The following TSPEAR variants were observed in gnomAD, a reference collection of about 807,000 sequenced individuals.
TSPEAR encodes the protein thrombospondin type laminin G domain and EAR repeats, also known as thrombospondin-type laminin G domain and EAR repeat-containing protein.
In TSPEAR, 69 loss-of-function variants were observed where a neutral mutation model predicts 71.6. That is an observed-to-expected ratio of 0.96 (90% CI 0.79 to 1.18). TSPEAR has a LOEUF of 1.18. Ranked by LOEUF, TSPEAR falls within the 50% of genes most tolerant of loss-of-function variation. The probability of loss-of-function intolerance (pLI) is 0.00; values close to 1 mark genes in which losing one functional copy is unlikely to be tolerated. For synonymous variants in TSPEAR, 402 were observed against 387.2 expected (o/e 1.04, Z -0.45); for missense variants, 971 against 894.9 (o/e 1.09, Z -1.09).
chr21:44,637,523 C>T (rs868923154), intron 1 of TSPEAR: 1 of 1,613,500 alleles, frequency 6.2e-7, no homozygotes, highest in Non-Finnish European at 8.5e-7. Flanking sequence ...TGCCCCAGCC[C>T]CCAGCTTGAC....
chr21:44,549,744 A>G (rs2053369086), intron 2 of TSPEAR, among the ~76,000 whole-genome samples: 1 of 152,214 alleles, frequency 6.6e-6, no homozygotes, highest in South Asian at 2.1e-4. Flanking sequence ...TCTGGTCTGC[A>G]TGTGTCCCCA....
intron 2 of TSPEAR, among the ~76,000 whole-genome samples, chr21:44,564,454 A>G (rs2146064024): frequency 6.6e-6 from 1 of 152,326 alleles, no homozygotes; most frequent in African/African-American, 2.4e-5. Context: ...AAACTATACA[A>G]ACAACAACCA....
At chr21:44,543,116 C>T (rs1467608382) in intron 2 of TSPEAR, among the ~76,000 whole-genome samples, 1 of 151,646 alleles carries the variant, frequency 6.6e-6, no homozygotes, top group Admixed American at 6.6e-5. Flanking sequence ...CCAGCAGGAT[C>T]TGCACTACAG....
chr21:44,588,356 CATCAAAAA>C (rs1240978126), intron 1 of TSPEAR, among the ~76,000 whole-genome samples: 24 of 152,044 alleles, frequency 1.6e-4, no homozygotes, highest in Admixed American at 5.9e-4. Flanking sequence ...GAATGGCCAT[CATCAAAAA>C]ATCAAAAAAT....
intron 1 of TSPEAR, among the ~76,000 whole-genome samples, chr21:44,703,167 C>T (rs1987740942): frequency 1.3e-5 from 2 of 152,240 alleles, no homozygotes; most frequent in African/African-American, 4.8e-5. Flanking sequence ...GCTCCTCTCC[C>T]AGCCTAGTGT....
intron 1 of TSPEAR, chr21:44,681,866 T>C (rs1555948031): frequency 1.2e-6 from 2 of 1,613,610 alleles, no homozygotes; most frequent in Non-Finnish European, 1.7e-6. Flanking sequence ...AGGAGATGGG[T>C]CTGCAGAGGA....
At chr21:44,512,972 CTG>C (rs1555912917) in intron 9 of TSPEAR, among the ~76,000 whole-genome samples, 1 of 152,208 alleles carries the variant, frequency 6.6e-6, no homozygotes, top group Non-Finnish European at 1.5e-5. Context: ...CAGCGAGGGT[CTG>C]TGCACCAGAT....
At chr21:44,631,068 C>T (rs782498735) in intron 1 of TSPEAR, among the ~76,000 whole-genome samples, 10 of 108,610 alleles carry the variant, frequency 9.2e-5, no homozygotes, top group Non-Finnish European at 1.2e-4. Flanking sequence ...ATGGTTCATT[C>T]GCAGTAAAGA....
chr21:44,502,126 C>T (rs1555911165), intron 11 of TSPEAR, among the ~76,000 whole-genome samples: 1 of 152,172 alleles, frequency 6.6e-6, no homozygotes, highest in East Asian at 1.9e-4. Context: ...ATCATGACAT[C>T]AACAGTAAAC....
chr21:44,533,339 A>T (rs2053011610), intron 3 of TSPEAR, among the ~76,000 whole-genome samples: 1 of 152,076 alleles, frequency 6.6e-6, no homozygotes, highest in African/African-American at 2.4e-5. Context: ...GCGGACGCTG[A>T]CCTGACCTCC....
At position 44,633,845 on chromosome 21, in the gene TSPEAR, G is replaced by T. The variant is rs587642901; in HGVS notation, c.83-65840C>A. On this transcript the variant is annotated intron_variant, in intron 1 of 11. Coordinates refer to ENST00000323084, the MANE Select transcript of TSPEAR (RefSeq NM_144991.3). Reference sequence around the variant, plus strand: ...CTTATTGAAGTCTTCAAACATTATTGTTGAACTGGAATTGCCTATTTCTTT... The same window carrying T: ...CTTATTGAAGTCTTCAAACATTATTTTTGAACTGGAATTGCCTATTTCTTT... Among the ~76,000 whole-genome samples the T allele has an allele frequency of 2.6e-5, 4 of 151,986 alleles. No homozygotes were observed. The East Asian group carries it at 7.7e-4, about 29-fold the overall frequency.
At chr21:44,537,355 A>G (rs782531829) in intron 2 of TSPEAR, among the ~76,000 whole-genome samples, 5 of 152,232 alleles carry the variant, frequency 3.3e-5, no homozygotes, top group African/African-American at 7.2e-5. Flanking sequence ...GCTAGAACCA[A>G]CGTTTTTAGA....
At chr21:44,650,455 C>A (rs1290422897) in intron 1 of TSPEAR, among the ~76,000 whole-genome samples, 2 of 152,078 alleles carry the variant, frequency 1.3e-5, no homozygotes, top group African/African-American at 2.4e-5. Flanking sequence ...ACGACGGGGG[C>A]AGAGATTGGG....
intron 1 of TSPEAR, chr21:44,690,668 G>T: frequency 1.2e-6 from 1 of 835,970 alleles, no homozygotes; most frequent in Non-Finnish European, 1.4e-6. Context: ...AAACATGACA[G>T]CAAATTATTA....
intron 1 of TSPEAR, among the ~76,000 whole-genome samples, chr21:44,624,795 AGTC>A (rs1555934037): frequency 6.6e-6 from 1 of 152,206 alleles, no homozygotes; most frequent in African/African-American, 2.4e-5. Context: ...TCATGGCTGT[AGTC>A]TGTGAATCAG....
chr21:44,512,826 C>T (rs587658680), intron 9 of TSPEAR, among the ~76,000 whole-genome samples: 46 of 152,200 alleles, frequency 3.0e-4, no homozygotes, highest in Middle Eastern at 3.4e-3. Flanking sequence ...TGGCAGTGGC[C>T]GGAGTGAATG....
At chr21:44,544,572 G>A (rs891018930) in intron 2 of TSPEAR, among the ~76,000 whole-genome samples, 3 of 152,198 alleles carry the variant, frequency 2.0e-5, no homozygotes, top group African/African-American at 7.2e-5. Context: ...AAATAATTGG[G>A]AGAGAAATAA....
chr21:44,671,054 A>G (rs1284234013), intron 1 of TSPEAR, among the ~76,000 whole-genome samples: 2 of 152,148 alleles, frequency 1.3e-5, no homozygotes, highest in African/African-American at 4.8e-5. Context: ...GCCCAAGCAT[A>G]CCATCTGGGG....
rs146913900 is a variant in TSPEAR at position 44,623,084 on chromosome 21, G to A, written c.83-55079C>T. Among the ~76,000 whole-genome samples the A allele has an allele frequency of 9.2e-5, 14 of 152,222 alleles. No individual in the cohort carries two copies. The highest frequency in any genetic ancestry group is 6.2e-4 in the South Asian group (3 of 4,826). On this transcript the variant is annotated intron_variant, in intron 1 of 11. Transcript: ENST00000323084. This position sits in a 1 kb window ranked among gnomAD's most constrained non-coding sequence, Gnocchi z 4.5. ...CCCCAGAAGCTGAGCAGATGCCAGC[G>A]CCATGTTTCCTGTACAACCTGCAGA...
Sources: allele counts gnomAD v4.1 joint callset (sites outside exome capture counted in the v4.1 genomes callset), GRCh38; gene constraint gnomAD v4.1.1; non-coding constraint Gnocchi (gnomAD v3.1); transcripts MANE v1.5; gene names NCBI Gene and HGNC (gene_info 2026-07-23, HGNC 2026-07-21).